Variants in DSCAM observed in about 807,000 individuals in gnomAD.
DSCAM encodes the protein DS cell adhesion molecule.
In DSCAM, 47 loss-of-function variants were observed where a neutral mutation model predicts 217.7. The observed-to-expected ratio is 0.22, with a 90% CI of 0.17 to 0.28. DSCAM has a LOEUF of 0.28. Among genes scored for constraint, DSCAM ranks in the 10% least tolerant of loss-of-function variants. The probability of loss-of-function intolerance (pLI) is 1.00; values close to 1 mark genes in which losing one functional copy is unlikely to be tolerated. For synonymous variants in DSCAM, 1,056 were observed against 1,015.3 expected (o/e 1.04, Z -0.76); for missense variants, 2,080 against 2,618.3 (o/e 0.79, Z 4.49).
intron 11 of DSCAM, among the ~76,000 whole-genome samples, chr21:40,264,722 A>G (rs1368079047): frequency 6.6e-6 from 1 of 152,232 alleles, no homozygotes; most frequent in African/African-American, 2.4e-5. Flanking sequence ...GGAAAGAGAA[A>G]GAAATCAAGG....
At chr21:40,641,860 C>T (rs1160296655) in intron 3 of DSCAM, among the ~76,000 whole-genome samples, 1 of 151,978 alleles carries the variant, frequency 6.6e-6, no homozygotes, top group East Asian at 1.9e-4. Flanking sequence ...CCACCCTGGC[C>T]AACATGGTGA....
chr21:40,737,998 G>A (rs1344527084), intron 1 of DSCAM, among the ~76,000 whole-genome samples: 1 of 152,156 alleles, frequency 6.6e-6, no homozygotes, highest in Non-Finnish European at 1.5e-5. Flanking sequence ...CATTTCAGGG[G>A]AGTGATAGCC....
At chr21:40,525,009 CAAAA>C (rs58427418) in intron 3 of DSCAM, among the ~76,000 whole-genome samples, 4 of 56,120 alleles carry the variant, frequency 7.1e-5, no homozygotes, top group African/African-American at 2.3e-4. Context: ...GACTCAGTCT[CAAAA>C]AAAAAAAAAA....
chr21:40,772,515 G>A (rs2091454121), intron 1 of DSCAM, among the ~76,000 whole-genome samples: 1 of 152,184 alleles, frequency 6.6e-6, no homozygotes, highest in South Asian at 2.1e-4. Context: ...TTATAGGCAT[G>A]TCAGACCTGT....
At chr21:40,061,073 T>A (rs2089111616) in intron 28 of DSCAM, among the ~76,000 whole-genome samples, 1 of 152,358 alleles carries the variant, frequency 6.6e-6, no homozygotes, top group Admixed American at 6.5e-5. Context: ...TCCAGATTTC[T>A]GCTACCAGTT....
At chr21:40,399,665 T>C (rs1250101993) in intron 3 of DSCAM, among the ~76,000 whole-genome samples, 1 of 152,232 alleles carries the variant, frequency 6.6e-6, no homozygotes, top group East Asian at 1.9e-4. Flanking sequence ...TGCCTAGCAA[T>C]GTGCTCAGCA....
At chr21:40,278,746 A>G (rs944991453) in intron 10 of DSCAM, among the ~76,000 whole-genome samples, 1 of 152,094 alleles carries the variant, frequency 6.6e-6, no homozygotes, top group Admixed American at 6.6e-5. Context: ...AAGGAGGAGG[A>G]GGAGGAAGAG....
At position 40,686,360 on chromosome 21, in the gene DSCAM, CCA is replaced by C. The variant is rs933380170; in HGVS notation, c.508+6448_508+6449del. ...ACACACCCCACATGCCACACACACA[CCA>C]CACACACTACACACACATACAAACA... On this transcript the variant is annotated intron_variant, in intron 3 of 32. Coordinates refer to ENST00000400454, the MANE Select transcript of DSCAM (RefSeq NM_001389.5). 2.9e-4 allele frequency among the ~76,000 whole-genome samples: 44 copies of C among 150,708 alleles called. 1 individual carries two copies. Among genetic ancestry groups the C allele is most frequent in the African/African-American group, 9.5e-4 (39 of 40,904 alleles).
At chr21:40,407,606 C>A (rs994054217) in intron 3 of DSCAM, among the ~76,000 whole-genome samples, 1 of 152,178 alleles carries the variant, frequency 6.6e-6, no homozygotes, top group Non-Finnish European at 1.5e-5. Context: ...GGAGGGGAGA[C>A]CCTGGAGGAT....
chr21:40,651,550 C>T (rs967781384), intron 3 of DSCAM, among the ~76,000 whole-genome samples: 2 of 152,176 alleles, frequency 1.3e-5, no homozygotes, highest in Non-Finnish European at 2.9e-5. Context: ...CTCTGATTTA[C>T]ACCTGTAAAA....
chr21:40,480,236 C>T (rs1411370835), intron 3 of DSCAM, among the ~76,000 whole-genome samples: 1 of 152,124 alleles, frequency 6.6e-6, no homozygotes, highest in African/African-American at 2.4e-5. Context: ...TCTATAGGCT[C>T]CTGTTAGAAA....
At chr21:40,483,340 A>C (rs2075998286) in intron 3 of DSCAM, among the ~76,000 whole-genome samples, 1 of 152,214 alleles carries the variant, frequency 6.6e-6, no homozygotes, top group African/African-American at 2.4e-5. Context: ...CCTATTATGG[A>C]TAAGTATGGT....
At chr21:40,508,732 CAAATATATATATATATATATATATAT>C (rs2076228496) in intron 3 of DSCAM, among the ~76,000 whole-genome samples, 1 of 75,588 alleles carries the variant, frequency 1.3e-5, no homozygotes, top group Non-Finnish European at 2.5e-5. Flanking sequence ...CCACACCCGG[CAAATATATATATATATATATATATAT>C]ATATATATAT....
chr21:40,570,110 G>A (rs866357804), intron 3 of DSCAM, among the ~76,000 whole-genome samples: 1 of 152,158 alleles, frequency 6.6e-6, no homozygotes, highest in African/African-American at 2.4e-5. Flanking sequence ...TCAAGAACAG[G>A]TCTAGAGAGC....
chr21:40,137,686 T>C (rs2090230018), intron 18 of DSCAM, among the ~76,000 whole-genome samples: 1 of 150,958 alleles, frequency 6.6e-6, no homozygotes, highest in Non-Finnish European at 1.5e-5. Context: ...ATGAGTGAAA[T>C]AAAATTAAAA....
chr21:40,763,546 T>C (rs1327790597), intron 1 of DSCAM, among the ~76,000 whole-genome samples: 2 of 152,234 alleles, frequency 1.3e-5, no homozygotes, highest in East Asian at 1.9e-4. Context: ...TTAAATGCTA[T>C]TCTCATCAAG....
chr21:40,812,380 CT>C (rs560744805), intron 1 of DSCAM, among the ~76,000 whole-genome samples: 1 of 152,170 alleles, frequency 6.6e-6, no homozygotes, highest in Non-Finnish European at 1.5e-5. Flanking sequence ...ATATCTTCAG[CT>C]TGGGAGTCCA....
intron 3 of DSCAM, among the ~76,000 whole-genome samples, chr21:40,648,267 A>ACACACACACACC (rs1555876110): frequency 1.4e-4 from 21 of 149,172 alleles, no homozygotes; most frequent in African/African-American, 4.8e-4. Flanking sequence ...ACACACACAC[A>ACACACACACACC]CACACACACA....
At chr21:40,563,810 G>GTA (rs1010050332) in intron 3 of DSCAM, among the ~76,000 whole-genome samples, 2 of 147,002 alleles carry the variant, frequency 1.4e-5, no homozygotes, top group Admixed American at 1.4e-4. Flanking sequence ...AGTTATATGT[G>GTA]TATATATAGT....
Sources: allele counts gnomAD v4.1 joint callset (sites outside exome capture counted in the v4.1 genomes callset), GRCh38; gene constraint gnomAD v4.1.1; transcripts MANE v1.5; gene names NCBI Gene and HGNC (gene_info 2026-07-23, HGNC 2026-07-21).